Variants in BASP1 observed in about 807,000 individuals in gnomAD.
The protein encoded by BASP1 is brain abundant membrane attached signal protein 1.
A neutral mutation model predicts 2.2 loss-of-function variants in BASP1; 1 was observed. The observed-to-expected ratio is 0.46, with a 90% CI of 0.16 to 2.17. The LOEUF is 2.17. BASP1 is among the 30% of genes most tolerant of loss of function. BASP1 has a pLI of 0.27. For synonymous variants in BASP1, 187 were observed against 154.2 expected, an observed-to-expected ratio of 1.21 and a Z score of -1.58; for missense variants, 352 against 327.2, an observed-to-expected ratio of 1.08 and a Z score of -0.58.
chr5:17,271,728 A>C (rs1240246226), intron 1 of BASP1, among the ~76,000 whole-genome samples: 2 of 152,168 alleles, frequency 1.3e-5, no homozygotes, highest in Non-Finnish European at 2.9e-5. Context: ...CCAACTTCTA[A>C]CTTTCTATAC....
chr5:17,228,277 G>A (rs1292065319), intron 1 of BASP1, among the ~76,000 whole-genome samples: 1 of 152,174 alleles, frequency 6.6e-6, no homozygotes, highest in Non-Finnish European at 1.5e-5. Flanking sequence ...TTTTCTGGGT[G>A]GACAGGTACA....
At chr5:17,268,208 A>G (rs896052141) in intron 1 of BASP1, among the ~76,000 whole-genome samples, 11 of 152,182 alleles carry the variant, frequency 7.2e-5, no homozygotes, top group African/African-American at 2.7e-4. Context: ...TAGCACACCT[A>G]TCGTTTTTAG....
At chr5:17,227,055 A>G (rs1739524364) in intron 1 of BASP1, among the ~76,000 whole-genome samples, 1 of 149,216 alleles carries the variant, frequency 6.7e-6, no homozygotes, top group African/African-American at 2.5e-5. Flanking sequence ...CAGCCTCCCG[A>G]GTAGCTGGGA....
chr5:17,225,759 C>T (rs1314869485), intron 1 of BASP1, among the ~76,000 whole-genome samples: 3 of 152,146 alleles, frequency 2.0e-5, no homozygotes, highest in Non-Finnish European at 4.4e-5. Context: ...GGATGGAGAG[C>T]TTTTATGCCG....
In BASP1 at chr5:17,275,835, G is replaced by A. The variant is rs1169091138; in HGVS notation, c.619G>A (p.Glu207Lys). The A allele has an allele frequency of 6.2e-7, 1 of 1,610,756 alleles. No homozygotes were observed. The highest frequency in any genetic ancestry group is 8.5e-7 in the Non-Finnish European group (1 of 1,178,632). Residue 207 changes from glutamate to lysine, a missense_variant, in exon 2 of 2, where the codon GAA becomes AAA. Transcript: ENST00000322611. The surrounding 1 kb of genome is among the most constrained non-coding windows in gnomAD (Gnocchi z 5.3). ...PKAQGPAASA[E>K]EPKPVEAPAA... ...GGCCCAGGGCCCCGCAGCCTCTGCAGAAGAGCCCAAGCCGGTGGAGGCCCC... is the reference window on the plus strand; with the variant it reads ...GGCCCAGGGCCCCGCAGCCTCTGCAAAAGAGCCCAAGCCGGTGGAGGCCCC...
chr5:17,264,573 C>A (rs1740378871), intron 1 of BASP1, among the ~76,000 whole-genome samples: 1 of 152,196 alleles, frequency 6.6e-6, no homozygotes, highest in South Asian at 2.1e-4. Context: ...AACTTTGATT[C>A]ATTCCCTGCA....
intron 1 of BASP1, among the ~76,000 whole-genome samples, chr5:17,243,637 C>T (rs576652201): frequency 6.6e-6 from 1 of 152,236 alleles, no homozygotes; most frequent in African/African-American, 2.4e-5. Flanking sequence ...TTATAGCATT[C>T]ACAACACATG....
intron 1 of BASP1, among the ~76,000 whole-genome samples, chr5:17,271,489 G>A (rs906639167): frequency 6.6e-6 from 1 of 152,152 alleles, no homozygotes; most frequent in Non-Finnish European, 1.5e-5. Flanking sequence ...TTAGTGTTTG[G>A]TTAATACATA....
intron 1 of BASP1, among the ~76,000 whole-genome samples, chr5:17,272,155 C>T (rs1208576490): frequency 2.0e-5 from 3 of 151,820 alleles, no homozygotes; most frequent in Admixed American, 6.6e-5. Flanking sequence ...TAAAAAGCTT[C>T]TCTGGCAAAT....
intron 1 of BASP1, among the ~76,000 whole-genome samples, chr5:17,274,305 C>T (rs557111545): frequency 2.6e-5 from 4 of 152,236 alleles, no homozygotes; most frequent in African/African-American, 9.6e-5. Context: ...GCAAGAGACA[C>T]TGGCTTTTTC....
At chr5:17,239,049 G>T (rs1739805861) in intron 1 of BASP1, among the ~76,000 whole-genome samples, 1 of 151,932 alleles carries the variant, frequency 6.6e-6, no homozygotes, top group Admixed American at 6.6e-5. Context: ...TTCCTTACTT[G>T]ATATCAATCA....
intron 1 of BASP1, among the ~76,000 whole-genome samples, chr5:17,219,082 A>G (rs956588350): frequency 1.3e-5 from 2 of 152,074 alleles, no homozygotes; most frequent in East Asian, 1.9e-4. Context: ...GCCTTCTGCT[A>G]TAGGGTTGTG....
In BASP1 at chr5:17,275,963, CTCT is replaced by C; in HGVS notation, c.*64_*66del. The C allele has an allele frequency of 7.5e-7, 1 of 1,336,708 alleles. No individual in the cohort carries two copies. The highest frequency in any genetic ancestry group is 2.8e-5 in the Admixed American group (1 of 35,534). The allele number at this position is 1,336,708 out of a possible 1,614,324, so 82.8% of individuals were successfully genotyped here. On this transcript the variant is annotated 3_prime_UTR_variant, in exon 2 of 2. Coordinates refer to ENST00000322611, the MANE Select transcript of BASP1 (RefSeq NM_006317.5). This position sits in a 1 kb window ranked among gnomAD's most constrained non-coding sequence, Gnocchi z 5.3. Reference sequence around the variant, plus strand: ...CAATCTCCTCTCTCTCTCTCTCTCTCTCTCTCTATCTCTCTCTCTATCTCCTCT... The same window carrying C: ...CAATCTCCTCTCTCTCTCTCTCTCTCCTCTATCTCTCTCTCTATCTCCTCT...
rs55917297 is a variant in BASP1 at position 17,276,633 on chromosome 5, GAAA to G, written c.*750_*752del. 37 of 105,012 alleles carry G rather than the reference GAAA, an allele frequency of 3.5e-4. No homozygotes were observed. The highest frequency in any genetic ancestry group is 6.6e-4 in the South Asian group (2 of 3,028). 6.5% of individuals were successfully genotyped at this position (105,012 alleles called of 1,614,324 possible). Reference sequence around the variant, plus strand: ...GTTCTGTTTATTGGTCAGTGGAAATGAAAAAAAAAAAAAAAAAAAGTCTGCGTT... The same window carrying G: ...GTTCTGTTTATTGGTCAGTGGAAATGAAAAAAAAAAAAAAAAGTCTGCGTT... On this transcript the variant is annotated 3_prime_UTR_variant, in exon 2 of 2. Transcript: ENST00000322611.
Position 17,249,822 on chromosome 5 carries a change from G to A in BASP1, c.-9-25386G>A, listed in dbSNP as rs752394904. Among the ~76,000 whole-genome samples the A allele has an allele frequency of 1.3e-5, 2 of 152,124 alleles. 1 individual carries two copies. Among genetic ancestry groups the A allele is most frequent in the East Asian group, 3.9e-4 (2 of 5,174 alleles). On this transcript the variant is annotated intron_variant, in intron 1 of 1. Coordinates refer to ENST00000322611, the MANE Select transcript of BASP1 (RefSeq NM_006317.5). ...ATCTAAGTCTTTTTCTTGACCATTTGTAAGGCTTCTCATTCTAATGTGTTT... is the reference window on the plus strand; with the variant it reads ...ATCTAAGTCTTTTTCTTGACCATTTATAAGGCTTCTCATTCTAATGTGTTT...
Position 17,247,778 on chromosome 5 carries a change from A to T in BASP1, c.-9-27430A>T, listed in dbSNP as rs972487273. ...CCGTGTGCTGGCGCTTCGTATGTAC[A>T]TTTTTGTTGCGTCTTTAACTTAGAA... On this transcript the variant is annotated intron_variant, in intron 1 of 1. Transcript: ENST00000322611. 3.3e-5 allele frequency among the ~76,000 whole-genome samples: 5 copies of T among 152,204 alleles called. No individual in the cohort carries two copies. In the East Asian group the frequency reaches 9.6e-4, roughly 29 times the overall value.
At chr5:17,234,783 C>T (rs943908639) in intron 1 of BASP1, among the ~76,000 whole-genome samples, 7 of 152,188 alleles carry the variant, frequency 4.6e-5, no homozygotes, top group African/African-American at 1.7e-4. Flanking sequence ...AGCAGATAGT[C>T]ATTAAGTTTA....
chr5:17,223,024 C>CTTT (rs60501183), intron 1 of BASP1, among the ~76,000 whole-genome samples: 3 of 147,998 alleles, frequency 2.0e-5, no homozygotes, highest in African/African-American at 7.5e-5. Flanking sequence ...TTTATAAACT[C>CTTT]TTTTTTTTTT....
intron 1 of BASP1, among the ~76,000 whole-genome samples, chr5:17,225,801 G>A (rs1447673611): frequency 1.3e-5 from 2 of 152,174 alleles, no homozygotes; most frequent in Non-Finnish European, 2.9e-5. Context: ...ATTGGTTTGA[G>A]AGCTGCATAC....
Sources: gnomAD v4.1 joint callset for allele counts (sites outside exome capture counted in the v4.1 genomes callset) on GRCh38, gnomAD v4.1.1 for gene constraint, Gnocchi (gnomAD v3.1) non-coding constraint, MANE v1.5 for transcripts, NCBI Gene and HGNC (gene_info 2026-07-23, HGNC 2026-07-21) for gene names.